The following S1PR3 variants were observed in gnomAD, a reference collection of about 807,000 sequenced individuals.
The protein encoded by S1PR3 is sphingosine-1-phosphate receptor 3, also known as sphingosine 1-phosphate receptor 3.
A neutral mutation model predicts 13.3 loss-of-function variants in S1PR3; 12 were observed. The observed-to-expected ratio is 0.90, with a 90% CI of 0.58 to 1.46. S1PR3 has a LOEUF of 1.46. S1PR3 is among the 40% of genes most tolerant of loss of function. S1PR3 has a pLI of 0.00. For missense variants in S1PR3, 450 were observed against 501.9 expected, an observed-to-expected ratio of 0.90 and a Z score of 0.99; for synonymous variants, 232 against 214.0, an observed-to-expected ratio of 1.08 and a Z score of -0.73.
Position 89,005,051 on chromosome 9 carries a change from A to T in S1PR3, c.*2714A>T, listed in dbSNP as rs1444500429. On this transcript the variant is annotated 3_prime_UTR_variant, in exon 2 of 2. Coordinates refer to ENST00000358157, the MANE Select transcript of S1PR3 (RefSeq NM_005226.4). ...GTGATGGGATTGTTTTATCGTTTTCACCGGGTGCCCTCCCCACTGCAGGGG... is the reference window on the plus strand; with the variant it reads ...GTGATGGGATTGTTTTATCGTTTTCTCCGGGTGCCCTCCCCACTGCAGGGG... The T allele has an allele frequency of 6.1e-6, 1 of 165,092 alleles. No individual in the cohort carries two copies. Among genetic ancestry groups the T allele is most frequent in the Non-Finnish European group, 1.5e-5 (1 of 68,102 alleles). 10.2% of individuals were successfully genotyped at this position (165,092 alleles called of 1,614,324 possible).
intron 1 of S1PR3, chr9:89,000,414 T>A (rs919129896): frequency 6.6e-6 from 1 of 152,414 alleles, no homozygotes; most frequent in Non-Finnish European, 1.5e-5. Context: ...GGCTCTGGAC[T>A]CACTGCTCAC....
At chr9:88,992,277 T>C (rs970700387) in intron 1 of S1PR3, 2 of 408,374 alleles carry the variant, frequency 4.9e-6, no homozygotes, top group Admixed American at 8.5e-5. Context: ...AGTCAGTCTC[T>C]CTCTCTCTCT....
upstream of S1PR3, chr9:88,991,030 T>G (rs139376565): frequency 1.2e-5 from 19 of 1,613,322 alleles, no homozygotes; most frequent in Middle Eastern, 1.6e-4. The surrounding 1 kb of genome is among the most constrained non-coding windows in gnomAD (Gnocchi z 4.0). Context: ...ATGATAGTAT[T>G]AATCCTCCTA....
At chr9:88,994,414 A>G (rs1265015896) in intron 1 of S1PR3, 1 of 166,998 alleles carries the variant, frequency 6.0e-6, no homozygotes, top group East Asian at 1.9e-4. Context: ...GATGCCTCTT[A>G]TTTGAATGTG....
chr9:88,991,861 A>G lies in S1PR3; in HGVS notation c.-148+166A>G. On this transcript the variant is annotated intron_variant, in intron 1 of 1. Coordinates refer to ENST00000358157, the MANE Select transcript of S1PR3 (RefSeq NM_005226.4). This position sits in a 1 kb window ranked among gnomAD's most constrained non-coding sequence, Gnocchi z 4.0. ...AGCACCCCTCCCCCAGAGCCGCTGC[A>G]GGAACAGGGAGGAGGCCTTTTCCAC... The G allele has an allele frequency of 6.2e-7, 1 of 1,614,120 alleles. No homozygotes were observed.
rs111650798 is a variant in S1PR3, at chr9:88,992,175, A to T, written c.-148+480A>T. 5.3e-4 allele frequency: 384 copies of T among 724,104 alleles called. 6 individuals are homozygous for T. The African/African-American group carries it at 6.2e-3, about 12-fold the overall frequency. 44.9% of individuals were successfully genotyped at this position (724,104 alleles called of 1,614,324 possible). A position where few individuals can be genotyped will look rare whatever the true frequency, so the allele number is the denominator to read the frequency against. On this transcript the variant is annotated intron_variant, in intron 1 of 1. Transcript: ENST00000358157. ...CTGGAAGACGAAGTCCCCACAGTGC[A>T]ATAATGAGGTTCCCACGGAAAATCA...
At position 89,002,561 on chromosome 9, in the gene S1PR3, T is replaced by C. The variant is rs2118606646; in HGVS notation, c.*224T>C. Reference sequence around the variant, plus strand: ...GGGCTCCAGAGTCTTTCAGATGTACTAAGCTGCTGACATCATCCACTGCCT... The same window carrying C: ...GGGCTCCAGAGTCTTTCAGATGTACCAAGCTGCTGACATCATCCACTGCCT... On this transcript the variant is annotated 3_prime_UTR_variant, in exon 2 of 2. Coordinates refer to ENST00000358157, the MANE Select transcript of S1PR3 (RefSeq NM_005226.4). The C allele has an allele frequency of 1.7e-6, 1 of 602,196 alleles. No individual in the cohort carries two copies. Among genetic ancestry groups the C allele is most frequent in the South Asian group, 2.1e-5 (1 of 47,120 alleles). The allele number at this position is 602,196 out of a possible 1,614,324, so 37.3% of individuals were successfully genotyped here.
upstream of S1PR3, chr9:88,991,430 G>A: frequency 2.0e-6 from 3 of 1,538,048 alleles, no homozygotes; most frequent in Non-Finnish European, 2.6e-6. This position sits in a 1 kb window ranked among gnomAD's most constrained non-coding sequence, Gnocchi z 4.0. Flanking sequence ...CCGCCCCGGC[G>A]GGCCGCTGGA....
At chr9:88,993,215 G>T (rs1825747313) in intron 1 of S1PR3, 1 of 152,544 alleles carries the variant, frequency 6.6e-6, no homozygotes, top group African/African-American at 2.4e-5. Context: ...TTCAGGAACT[G>T]GTTTCCTCTT....
chr9:89,003,381 G>A lies in S1PR3; in HGVS notation c.*1044G>A, dbSNP rs1825895303. On this transcript the variant is annotated 3_prime_UTR_variant, in exon 2 of 2. Coordinates refer to ENST00000358157, the MANE Select transcript of S1PR3 (RefSeq NM_005226.4). ...AGCTAAGTAGCTGTGGCCACCGGCA[G>A]TTTCACAGCATCCTGAAAGCTGGCA... is the stretch of plus-strand genomic sequence containing the variant. 2 of 167,138 alleles carry A rather than the reference G, an allele frequency of 1.2e-5. No individual in the cohort carries two copies. The highest frequency in any genetic ancestry group is 4.8e-5 in the African/African-American group (2 of 41,476). The allele number at this position is 167,138 out of a possible 1,614,324, so 10.4% of individuals were successfully genotyped here.
chr9:88,990,940 C>T, upstream of S1PR3: 1 of 1,602,728 alleles, frequency 6.2e-7, no homozygotes, highest in East Asian at 2.2e-5. Context: ...AAACGCTGTC[C>T]GGCGCCAGGC....
chr9:88,997,385 A>T (rs1239528898), intron 1 of S1PR3: 1 of 152,046 alleles, frequency 6.6e-6, no homozygotes, highest in Non-Finnish European at 1.5e-5. Context: ...TCTTCTCTCC[A>T]TTCCCGGGAG....
Position 89,001,695 on chromosome 9 carries a change from C to T in S1PR3, c.495C>T (p.Ala165=), listed in dbSNP as rs548363442. 6.2e-7 allele frequency: 1 copy of T among 1,614,248 alleles called. No individual in the cohort carries two copies. The highest frequency in any genetic ancestry group is 1.1e-5 in the South Asian group (1 of 91,092). The change falls in exon 2 of 2, where the codon GCC becomes GCT. Residue 165 remains alanine, a synonymous_variant. Coordinates refer to ENST00000358157, the MANE Select transcript of S1PR3 (RefSeq NM_005226.4). The stretch of plus-strand genomic sequence containing the variant: ...TGATCGGGATGTGCTGGCTCATTGC[C>T]TTCACGCTGGGCGCCCTGCCCATTC... The part of the protein sequence containing the change: ...FLLIGMCWLI[A]FTLGALPILG...
At chr9:88,997,413 G>C (rs777186711) in intron 1 of S1PR3, 1 of 152,328 alleles carries the variant, frequency 6.6e-6, no homozygotes. Flanking sequence ...ACATCTGGCT[G>C]TTGGATGCAT....
rs944178717 is a variant in S1PR3 at position 89,001,416 on chromosome 9, C to T, written c.216C>T (p.Asn72=). ...TCTGGAAAAACAATAAATTTCACAACCGCATGTACTTTTTCATTGGCAACC... is the reference window on the plus strand; with the variant it reads ...TCTGGAAAAACAATAAATTTCACAATCGCATGTACTTTTTCATTGGCAACC... ...IAIWKNNKFH[N]RMYFFIGNLA... The change falls in exon 2 of 2, where the codon AAC becomes AAT. Residue 72 remains asparagine (N), a synonymous_variant. Coordinates refer to ENST00000358157, the MANE Select transcript of S1PR3 (RefSeq NM_005226.4). The T allele has an allele frequency of 1.9e-6, 3 of 1,614,232 alleles. No individual in the cohort carries two copies. The highest frequency in any genetic ancestry group is 2.5e-6 in the Non-Finnish European group (3 of 1,180,034).
At chr9:88,996,378 T>G (rs572030175) in intron 1 of S1PR3, 4 of 152,162 alleles carry the variant, frequency 2.6e-5, no homozygotes, top group Non-Finnish European at 5.9e-5. Flanking sequence ...AATCAACACA[T>G]GGGCCATGGA....
At chr9:89,000,807 T>C (rs1455017761) in intron 1 of S1PR3, 1 of 242,890 alleles carries the variant, frequency 4.1e-6, no homozygotes, top group African/African-American at 2.2e-5. Context: ...GTATCTTTGT[T>C]ACAGGATTCA....
chr9:89,000,986 C>A (rs760238951), intron 1 of S1PR3, 68 bp from the exon 2 acceptor site: 216 of 586,424 alleles, frequency 3.7e-4, no homozygotes, highest in Non-Finnish European at 5.3e-4. Context: ...TCTCCAACAG[C>A]GTTGCCGTGG....
upstream of S1PR3, chr9:88,991,333 C>T (rs1462107587): frequency 1.8e-6 from 2 of 1,114,166 alleles, no homozygotes. This position sits in a 1 kb window ranked among gnomAD's most constrained non-coding sequence, Gnocchi z 4.0. Context: ...TGGAGGAGTG[C>T]CGGGTTCGCG....
Sources: allele counts gnomAD v4.1 joint callset, GRCh38; gene constraint gnomAD v4.1.1; non-coding constraint Gnocchi (gnomAD v3.1); transcripts MANE v1.5; gene names NCBI Gene and HGNC (gene_info 2026-07-23, HGNC 2026-07-21).